PGM5: variants seen among roughly 807,000 people sequenced by gnomAD.
The protein encoded by PGM5 is phosphoglucomutase-like protein 5.
In PGM5, 23 loss-of-function variants were observed where a neutral mutation model predicts 59.2. The observed-to-expected ratio is 0.39, with a 90% CI of 0.28 to 0.55. The LOEUF is 0.55. Ranked by LOEUF, PGM5 falls within the 20% of genes least tolerant of loss-of-function variation. The probability of loss-of-function intolerance (pLI) is 0.66; values close to 1 mark genes in which losing one functional copy is unlikely to be tolerated. For synonymous variants in PGM5, 214 were observed against 286.0 expected (o/e 0.75, Z 2.54); for missense variants, 574 against 748.3 (o/e 0.77, Z 2.72).
At chr9:68,466,271 T>TGTG (rs1554685802) in intron 7 of PGM5, 27,691 of 348,280 alleles carry the variant, frequency 0.08, 367 homozygotes, top group Middle Eastern at 0.092. Context: ...ATACTGTGTG[T>TGTG]TTTTTTTTTT....
At chr9:68,465,020 T>C (rs1823910846) in intron 6 of PGM5, 73 bp from the exon 7 acceptor site, 1 of 910,558 alleles carries the variant, frequency 1.1e-6, no homozygotes, top group Non-Finnish European at 1.8e-6. Context: ...TCCTAAAGAC[T>C]TCCTACTGTG....
intron 7 of PGM5, among the ~76,000 whole-genome samples, chr9:68,474,562 T>G (rs1481546412): frequency 6.6e-6 from 1 of 151,150 alleles, no homozygotes; most frequent in Non-Finnish European, 1.5e-5. Context: ...GTGATATTTC[T>G]CTAGAAAAAA....
intron 6 of PGM5, among the ~76,000 whole-genome samples, chr9:68,412,145 T>C (rs1587799886): frequency 6.6e-6 from 1 of 150,888 alleles, no homozygotes; most frequent in Admixed American, 6.6e-5. Flanking sequence ...GCTTCTTGTC[T>C]GATTGTCATG....
intron 1 of PGM5, among the ~76,000 whole-genome samples, chr9:68,362,348 C>T (rs1397781614): frequency 2.6e-5 from 4 of 152,130 alleles, no homozygotes; most frequent in Non-Finnish European, 2.9e-5. Flanking sequence ...ACTGTGGATG[C>T]TTGGATTTTT....
At chr9:68,365,742 C>T (rs1834667166) in intron 1 of PGM5, among the ~76,000 whole-genome samples, 1 of 151,968 alleles carries the variant, frequency 6.6e-6, no homozygotes, top group African/African-American at 2.4e-5. Context: ...AGTAAACATC[C>T]TGGTTTTTAG....
At chr9:68,513,020 C>T (rs1333477423) in intron 10 of PGM5, among the ~76,000 whole-genome samples, 1 of 152,156 alleles carries the variant, frequency 6.6e-6, no homozygotes, top group Non-Finnish European at 1.5e-5. Flanking sequence ...CAGGGTTTGG[C>T]CTAAGGCCTA....
intron 6 of PGM5, among the ~76,000 whole-genome samples, chr9:68,432,675 G>C (rs1341329827): frequency 6.7e-6 from 1 of 149,402 alleles, no homozygotes; most frequent in Non-Finnish European, 1.5e-5. Flanking sequence ...GTGCAATCTC[G>C]GCTCACTGCA....
At chr9:68,371,147 T>C (rs1410122513) in intron 1 of PGM5, among the ~76,000 whole-genome samples, 1 of 152,260 alleles carries the variant, frequency 6.6e-6, no homozygotes, top group East Asian at 1.9e-4. Context: ...TAGCATCCAC[T>C]TGGGTGTGTG....
At chr9:68,504,217 G>C (rs562314170) in intron 10 of PGM5, among the ~76,000 whole-genome samples, 1 of 152,124 alleles carries the variant, frequency 6.6e-6, no homozygotes, top group Non-Finnish European at 1.5e-5. Flanking sequence ...TCACCAACTT[G>C]ACATGTGCAA....
At chr9:68,488,092 C>A (rs574841034) in intron 9 of PGM5, among the ~76,000 whole-genome samples, 1 of 152,130 alleles carries the variant, frequency 6.6e-6, no homozygotes, top group Admixed American at 6.5e-5. Context: ...AAAAAGCATC[C>A]TTGGGAAAGA....
At chr9:68,501,589 GA>G (rs1824573951) in intron 10 of PGM5, among the ~76,000 whole-genome samples, 1 of 152,200 alleles carries the variant, frequency 6.6e-6, no homozygotes, top group African/African-American at 2.4e-5. Flanking sequence ...TGTTATTCCT[GA>G]TCAGGGCCTG....
chr9:68,371,648 A>G (rs1821735555), intron 1 of PGM5: 1 of 136,290 alleles, frequency 7.3e-6, no homozygotes, highest in African/African-American at 2.7e-5. Context: ...TAAATGATTG[A>G]TCCTATGTCA....
intron 6 of PGM5, among the ~76,000 whole-genome samples, chr9:68,424,857 G>T (rs903075378): frequency 2.0e-5 from 3 of 152,102 alleles, no homozygotes; most frequent in South Asian, 2.1e-4. Flanking sequence ...TTTAAAGAAC[G>T]CTTGCAAAAC....
Position 68,440,697 on chromosome 9 carries a change from G to A in PGM5, c.1044-24396G>A, listed in dbSNP as rs972722365. Among the ~76,000 whole-genome samples, 6 of 151,956 alleles carry A rather than the reference G, an allele frequency of 3.9e-5. 1 individual carries two copies. In the East Asian group the frequency reaches 1.2e-3, roughly 29 times the overall value. On this transcript the variant is annotated intron_variant, in intron 6 of 10. Transcript: ENST00000396396. ...TTAGGAGGGAAATTCTTTAATATAA[G>A]CATTAAGAGCTTATATTTATAAGAG...
intron 8 of PGM5, 104 bp downstream of exon 8, chr9:68,479,657 G>A (rs942611971): frequency 2.5e-5 from 30 of 1,221,420 alleles, no homozygotes; most frequent in African/African-American, 9.1e-5. Flanking sequence ...GCATCAGGCC[G>A]GGCGCGGTGG....
At chr9:68,447,283 C>T (rs1372556197) in intron 6 of PGM5, among the ~76,000 whole-genome samples, 7 of 152,202 alleles carry the variant, frequency 4.6e-5, no homozygotes, top group Non-Finnish European at 4.4e-5. Flanking sequence ...AGTTGCACAT[C>T]CTGACATTAC....
intron 6 of PGM5, among the ~76,000 whole-genome samples, chr9:68,421,688 G>T (rs1469733215): frequency 1.3e-5 from 2 of 152,116 alleles, no homozygotes; most frequent in African/African-American, 4.8e-5. Context: ...CTGTACTCCA[G>T]CCTGGGTGAC....
intron 1 of PGM5, among the ~76,000 whole-genome samples, chr9:68,358,117 A>G (rs1183800326): frequency 6.6e-6 from 1 of 152,192 alleles, no homozygotes; most frequent in East Asian, 1.9e-4. Flanking sequence ...CGCAGTTCCC[A>G]GGGGGCATAT....
At chr9:68,432,543 T>C (rs1554683105) in intron 6 of PGM5, among the ~76,000 whole-genome samples, 2 of 152,210 alleles carry the variant, frequency 1.3e-5, no homozygotes, top group East Asian at 3.8e-4. Context: ...ATTTACACTT[T>C]AATCTGAAAT....
Sources: gnomAD v4.1 joint callset for allele counts (sites outside exome capture counted in the v4.1 genomes callset) on GRCh38, gnomAD v4.1.1 for gene constraint, MANE v1.5 for transcripts, NCBI Gene and HGNC (gene_info 2026-07-23, HGNC 2026-07-21) for gene names.